USP47: variants seen among roughly 807,000 people sequenced by gnomAD.
USP47 encodes the protein ubiquitin specific peptidase 47.
USP47 carries 35 observed loss-of-function variants against 165.1 expected under a neutral mutation model. The observed-to-expected ratio is 0.21, with a 90% confidence interval of 0.16 to 0.28. USP47 has a LOEUF of 0.28. USP47 is among the 10% of genes least tolerant of loss of function. The pLI is 1.00. For synonymous variants in USP47, 531 were observed against 544.5 expected, an observed-to-expected ratio of 0.98 and a Z score of 0.35; for missense variants, 1,277 against 1,607.4, an observed-to-expected ratio of 0.79 and a Z score of 3.52.
chr11:11,940,622 C>T (rs1855402718), intron 19 of USP47, 74 bp downstream of exon 19: 1 of 1,485,596 alleles, frequency 6.7e-7, no homozygotes, highest in East Asian at 2.3e-5. Context: ...ATATTATAAG[C>T]CTGGCCTCCA....
chr11:11,913,215 T>C (rs1270173810), intron 8 of USP47, among the ~76,000 whole-genome samples: 2 of 145,498 alleles, frequency 1.4e-5, no homozygotes, highest in Admixed American at 7.1e-5. Flanking sequence ...AAATTGTCTG[T>C]ATTTTTAGGT....
intron 1 of USP47, among the ~76,000 whole-genome samples, chr11:11,851,661 T>C (rs1848734962): frequency 2.0e-5 from 3 of 152,194 alleles, no homozygotes; most frequent in African/African-American, 7.2e-5. Flanking sequence ...TTCCCTCTTA[T>C]AGTTTTTGTT....
intron 16 of USP47, among the ~76,000 whole-genome samples, chr11:11,934,353 C>G (rs927257925): frequency 1.3e-5 from 2 of 152,076 alleles, no homozygotes; most frequent in Non-Finnish European, 2.9e-5. Flanking sequence ...ACAGACAAAA[C>G]GTACTTAAAC....
At chr11:11,923,038 GTACATATA>G (rs1387378197) in intron 11 of USP47, 147 bp downstream of exon 11, 2 of 116,078 alleles carry the variant, frequency 1.7e-5, no homozygotes, top group Admixed American at 2.3e-4. Context: ...TAGTTTTTTT[GTACATATA>G]TATATATATA....
At chr11:11,878,839 A>G (rs1850649430) in intron 1 of USP47, among the ~76,000 whole-genome samples, 1 of 152,200 alleles carries the variant, frequency 6.6e-6, no homozygotes. Context: ...TACTTCAACA[A>G]ACAAAAAACT....
chr11:11,942,716 G>C lies in USP47; in HGVS notation c.2695G>C (p.Ala899Pro). 1 of 1,613,630 alleles carries C rather than the reference G, an allele frequency of 6.2e-7. No homozygotes were observed. The highest frequency in any genetic ancestry group is 8.5e-7 in the Non-Finnish European group (1 of 1,179,792). The change falls in exon 20 of 28, where the codon GCA becomes CCA. Residue 899 changes from alanine (A) to proline (P), a missense_variant. By Grantham distance (27) the Ala-to-Pro change is conservative (BLOSUM62 -1). Around this residue, in one of 4 missense-constraint regions of USP47, gnomAD observed 909 missense variants for 1,068.1 expected, o/e 0.85. Coordinates refer to ENST00000527733, the MANE Select transcript of USP47 (RefSeq NM_001282659.2). ...ACCTCTCAATGAGAGGGACTCTTCAGCATCAGTGGATAATAGAGAACTTGA... is the reference window on the plus strand; with the variant it reads ...ACCTCTCAATGAGAGGGACTCTTCACCATCAGTGGATAATAGAGAACTTGA... ...ESPLNERDSS[A>P]SVDNRELEQH...
At chr11:11,921,622 G>C (rs7483552) in intron 10 of USP47, among the ~76,000 whole-genome samples, 109,687 of 151,758 alleles carry the variant, frequency 0.72, 40,578 homozygotes, top group Middle Eastern at 0.9. Flanking sequence ...GCCAGACTTT[G>C]AGAGGAGACA....
intron 1 of USP47, among the ~76,000 whole-genome samples, chr11:11,861,068 A>C (rs1849352740): frequency 6.6e-6 from 1 of 152,058 alleles, no homozygotes; most frequent in African/African-American, 2.4e-5. Flanking sequence ...TCTGATGTTC[A>C]AAGGTCCATC....
chr11:11,958,176 G>A lies in USP47; in HGVS notation c.*2001G>A, dbSNP rs1847292992. The stretch of plus-strand genomic sequence containing the variant: ...CACAATGGGCTTTGGAGTTTGGTCT[G>A]ATTGGGTTTGGTTTAGTATTCCTAT... On this transcript the variant is annotated 3_prime_UTR_variant, in exon 28 of 28. Coordinates refer to ENST00000527733, the MANE Select transcript of USP47 (RefSeq NM_001282659.2). The A allele has an allele frequency of 6.6e-6, 1 of 152,190 alleles. No individual in the cohort carries two copies. The highest frequency in any genetic ancestry group is 2.4e-5 in the African/African-American group (1 of 41,438). 9.4% of individuals were successfully genotyped at this position (152,190 alleles called of 1,614,324 possible).
chr11:11,942,469 T>C lies in USP47; in HGVS notation c.2448T>C (p.Tyr816=), dbSNP rs1855542078. ...TACCTGAACAATCCCCAGTATCTTA[T>C]TCCAAAAGGACAGCATACCAGAAAG... ...VLLPEQSPVS[Y]SKRTAYQKAG... Residue 816 remains tyrosine (Y), a synonymous_variant, in exon 20 of 28, where the codon TAT becomes TAC. Coordinates refer to ENST00000527733, the MANE Select transcript of USP47 (RefSeq NM_001282659.2). 6.2e-7 allele frequency: 1 copy of C among 1,613,626 alleles called. No homozygotes were observed. The highest frequency in any genetic ancestry group is 8.5e-7 in the Non-Finnish European group (1 of 1,179,712).
chr11:11,882,025 T>G (rs1850866449), intron 2 of USP47, among the ~76,000 whole-genome samples: 1 of 152,182 alleles, frequency 6.6e-6, no homozygotes, highest in Non-Finnish European at 1.5e-5. Flanking sequence ...GTATTCTAGA[T>G]AGCCTTTTTT....
chr11:11,933,658 G>T (rs777764817), intron 15 of USP47, among the ~76,000 whole-genome samples, 173 bp from the exon 16 acceptor site: 7 of 152,016 alleles, frequency 4.6e-5, no homozygotes, highest in Non-Finnish European at 8.8e-5. Context: ...TTTTTGTATG[G>T]TGTGAGACAT....
chr11:11,895,482 T>G (rs1351625929), intron 4 of USP47, among the ~76,000 whole-genome samples: 1 of 152,236 alleles, frequency 6.6e-6, no homozygotes, highest in Non-Finnish European at 1.5e-5. Context: ...AAGAAATTAT[T>G]ATAAATTTTG....
intron 20 of USP47, among the ~76,000 whole-genome samples, chr11:11,944,589 C>T (rs1012487897): frequency 1.3e-5 from 2 of 151,932 alleles, no homozygotes; most frequent in African/African-American, 4.8e-5. Flanking sequence ...ATTGTTAGAC[C>T]GTTTTCACTG....
intron 8 of USP47, among the ~76,000 whole-genome samples, chr11:11,913,102 G>A (rs1330079048): frequency 6.6e-6 from 1 of 151,984 alleles, no homozygotes; most frequent in Non-Finnish European, 1.5e-5. Context: ...GTCTAGGCAA[G>A]GATGTCTGCT....
chr11:11,846,357 T>C (rs1180579334), intron 1 of USP47, among the ~76,000 whole-genome samples: 1 of 152,156 alleles, frequency 6.6e-6, no homozygotes, highest in Non-Finnish European at 1.5e-5. Flanking sequence ...TGTTCTTCTC[T>C]CAAGTGTCTT....
At chr11:11,934,353 C>T (rs927257925) in intron 16 of USP47, among the ~76,000 whole-genome samples, 3 of 152,192 alleles carry the variant, frequency 2.0e-5, no homozygotes, top group Non-Finnish European at 4.4e-5. Context: ...ACAGACAAAA[C>T]GTACTTAAAC....
intron 11 of USP47, among the ~76,000 whole-genome samples, 166 bp from the exon 12 acceptor site, chr11:11,929,268 T>G (rs988905830): frequency 3.3e-5 from 5 of 152,148 alleles, no homozygotes; most frequent in African/African-American, 9.6e-5. Flanking sequence ...TATATACAGT[T>G]GTTTGATAAC....
intron 8 of USP47, among the ~76,000 whole-genome samples, chr11:11,906,418 A>G (rs1006073255): frequency 6.6e-6 from 1 of 152,130 alleles, no homozygotes; most frequent in Non-Finnish European, 1.5e-5. Context: ...CAGTTTTTTA[A>G]AAGCTTTTCT....
Sources: allele counts gnomAD v4.1 joint callset (sites outside exome capture counted in the v4.1 genomes callset), GRCh38; gene constraint gnomAD v4.1.1; regional missense constraint gnomAD v4.1.1; transcripts MANE v1.5; gene names NCBI Gene and HGNC (gene_info 2026-07-23, HGNC 2026-07-21).